Variants in RABGAP1L observed in about 807,000 individuals in gnomAD.
The protein encoded by RABGAP1L is RAB GTPase activating protein 1 like, also known as rab GTPase-activating protein 1-like.
Under a neutral mutation model 137.7 loss-of-function variants are expected in RABGAP1L, and 63 were observed. The ratio of observed to expected loss-of-function variants is 0.46; its 90% CI spans 0.37 to 0.56. The LOEUF is 0.56. Among genes scored for constraint, RABGAP1L ranks in the 20% least tolerant of loss-of-function variants. The pLI is 0.00. For synonymous variants in RABGAP1L, 431 were observed against 433.7 expected, an observed-to-expected ratio of 0.99 and a Z score of 0.08; for missense variants, 1,095 against 1,244.0, an observed-to-expected ratio of 0.88 and a Z score of 1.80.
At chr1:174,927,494 T>G (rs1663042512) in intron 19 of RABGAP1L, among the ~76,000 whole-genome samples, 1 of 152,178 alleles carries the variant, frequency 6.6e-6, no homozygotes, top group Admixed American at 6.5e-5. Flanking sequence ...TCTCCCAAAG[T>G]GCTGTGATTA....
intron 18 of RABGAP1L, among the ~76,000 whole-genome samples, chr1:174,788,387 C>T (rs914517145): frequency 6.6e-6 from 1 of 152,174 alleles, no homozygotes; most frequent in African/African-American, 2.4e-5. Context: ...TCATAGCAAA[C>T]CACCTGTACT....
At position 174,834,612 on chromosome 1, in the gene RABGAP1L, G is replaced by A. The variant is rs374715374; in HGVS notation, c.2340+22652G>A. On this transcript the variant is annotated intron_variant, in intron 19 of 25. Transcript: ENST00000681986. ...GAAAAAGCCCATCCCCGCCCCCCCC[G>A]CCGCCCCCCATTAACCTGTTCTTCC... Among the ~76,000 whole-genome samples the A allele has an allele frequency of 2.8e-4, 12 of 43,070 alleles. No individual in the cohort carries two copies. The South Asian group carries it at 7.6e-3, about 27-fold the overall frequency. 28.3% of individuals were successfully genotyped at this position (43,070 alleles called of 152,430 possible). A position where few individuals can be genotyped will look rare whatever the true frequency, so the allele number is the denominator to read the frequency against.
rs2148469422 is a variant in RABGAP1L, at chr1:174,221,039, G to C, written c.206G>C (p.Arg69Thr). The change falls in exon 3 of 26, where the codon AGG becomes ACG. Residue 69 changes from arginine (R) to threonine (T), a missense_variant. Around this residue, in one of 4 missense-constraint regions of RABGAP1L, gnomAD observed 356 missense variants for 326.3 expected, o/e 1.09. Transcript: ENST00000681986. ...MEEILRDSEK[R>T]PSSLLVDCQS... ...GAGATTTTGAGAGATTCCGAGAAAA[G>C]GCCAAGCAGTCTTCTTGTTGATTGT... 1 of 1,613,856 alleles carries C rather than the reference G, an allele frequency of 6.2e-7. No homozygotes were observed. The highest frequency in any genetic ancestry group is 1.1e-5 in the South Asian group (1 of 91,068).
At chr1:174,924,385 CAAAAAAA>C (rs10688718) in intron 19 of RABGAP1L, among the ~76,000 whole-genome samples, 1 of 70,130 alleles carries the variant, frequency 1.4e-5, no homozygotes, top group African/African-American at 6.1e-5. Context: ...GACTCTGTCT[CAAAAAAA>C]AAAAAAAAAA....
chr1:174,432,009 C>T (rs939723601), intron 13 of RABGAP1L, among the ~76,000 whole-genome samples: 22 of 151,992 alleles, frequency 1.4e-4, no homozygotes, highest in African/African-American at 5.1e-4. Flanking sequence ...GCAGGTTTGT[C>T]ACATCAGAAT....
At chr1:174,771,124 T>G (rs1018758244) in intron 18 of RABGAP1L, among the ~76,000 whole-genome samples, 3 of 152,166 alleles carry the variant, frequency 2.0e-5, no homozygotes, top group African/African-American at 7.2e-5. Context: ...TGAGGAAGAA[T>G]GGCTGAGGCA....
intron 15 of RABGAP1L, among the ~76,000 whole-genome samples, chr1:174,684,684 A>G (rs942887364): frequency 6.6e-6 from 1 of 152,178 alleles, no homozygotes; most frequent in Non-Finnish European, 1.5e-5. Flanking sequence ...CCAGGTAGAA[A>G]ACATCAATAT....
chr1:174,958,484 A>C (rs1191116974), intron 20 of RABGAP1L, among the ~76,000 whole-genome samples: 1 of 152,242 alleles, frequency 6.6e-6, no homozygotes, highest in Admixed American at 6.5e-5. Context: ...ACACTAAGAT[A>C]AAAGAATACT....
intron 13 of RABGAP1L, among the ~76,000 whole-genome samples, chr1:174,413,200 A>G (rs1057339945): frequency 1.3e-5 from 2 of 152,188 alleles, no homozygotes; most frequent in African/African-American, 4.8e-5. Flanking sequence ...ATTAGTTCAA[A>G]ACACTGGTCT....
At chr1:174,254,420 A>G (rs1273278523) in intron 7 of RABGAP1L, among the ~76,000 whole-genome samples, 1 of 152,124 alleles carries the variant, frequency 6.6e-6, no homozygotes, top group African/African-American at 2.4e-5. Context: ...TACTGTACCC[A>G]TCAGCCCATC....
intron 17 of RABGAP1L, among the ~76,000 whole-genome samples, chr1:174,720,223 A>T (rs1681386946): frequency 6.6e-6 from 1 of 151,844 alleles, no homozygotes; most frequent in African/African-American, 2.4e-5. Context: ...TTGCTGAGGT[A>T]ACTGGAGATA....
intron 1 of RABGAP1L, among the ~76,000 whole-genome samples, chr1:174,213,019 A>G (rs535107766): frequency 2.0e-5 from 3 of 152,352 alleles, no homozygotes; most frequent in Non-Finnish European, 2.9e-5. Context: ...CAGACCAATA[A>G]CAAGTAATGA....
chr1:174,663,923 G>A (rs551671257), intron 14 of RABGAP1L, among the ~76,000 whole-genome samples: 7 of 152,218 alleles, frequency 4.6e-5, no homozygotes, highest in South Asian at 2.1e-4. Context: ...TTCCCTAGGT[G>A]CAGTGCTGAA....
intron 20 of RABGAP1L, among the ~76,000 whole-genome samples, chr1:174,960,203 A>G (rs532594851): frequency 6.6e-6 from 1 of 152,268 alleles, no homozygotes; most frequent in African/African-American, 2.4e-5. Flanking sequence ...AAGCCCACAT[A>G]TGTTATATAA....
chr1:174,598,899 A>C (rs115190629), intron 13 of RABGAP1L, among the ~76,000 whole-genome samples: 3,251 of 152,108 alleles, frequency 0.021, 122 homozygotes, highest in African/African-American at 0.075. Flanking sequence ...TAGTTCACTT[A>C]CATTCAATAT....
intron 14 of RABGAP1L, among the ~76,000 whole-genome samples, chr1:174,659,575 T>C (rs1676220356): frequency 6.6e-6 from 1 of 152,234 alleles, no homozygotes; most frequent in East Asian, 1.9e-4. Context: ...TTTGGACATC[T>C]GTTTTCTATC....
At chr1:174,773,353 C>T (rs752696485) in intron 18 of RABGAP1L, among the ~76,000 whole-genome samples, 1 of 152,020 alleles carries the variant, frequency 6.6e-6, no homozygotes, top group African/African-American at 2.4e-5. Context: ...TAGTGAGACC[C>T]GTTATCTAAA....
chr1:174,872,859 G>A (rs1257069383), intron 19 of RABGAP1L, among the ~76,000 whole-genome samples: 1 of 151,980 alleles, frequency 6.6e-6, no homozygotes, highest in Non-Finnish European at 1.5e-5. Context: ...ATCTCACTGT[G>A]AACACTGTGA....
chr1:174,233,714 T>G (rs372874142), intron 4 of RABGAP1L, among the ~76,000 whole-genome samples: 1 of 129,222 alleles, frequency 7.7e-6, no homozygotes, highest in Non-Finnish European at 1.5e-5. Flanking sequence ...TGAATAATGC[T>G]GCAATAAACA....
Sources: allele counts gnomAD v4.1 joint callset (sites outside exome capture counted in the v4.1 genomes callset), GRCh38; gene constraint gnomAD v4.1.1; regional missense constraint gnomAD v4.1.1; transcripts MANE v1.5; gene names NCBI Gene and HGNC (gene_info 2026-07-23, HGNC 2026-07-21).